The following KCND2 variants were observed in gnomAD, a reference collection of about 807,000 sequenced individuals.
KCND2 encodes potassium voltage-gated channel subfamily D member 2, also known as A-type voltage-gated potassium channel KCND2.
Under a neutral mutation model 54.4 loss-of-function variants are expected in KCND2, and 16 were observed. The ratio of observed to expected loss-of-function variants is 0.29; its 90% CI spans 0.20 to 0.45. KCND2 has a LOEUF of 0.45. Ranked by LOEUF, KCND2 falls within the 20% of genes least tolerant of loss-of-function variation. The probability of loss-of-function intolerance (pLI) is 1.00; values close to 1 mark genes in which losing one functional copy is unlikely to be tolerated. For missense variants in KCND2, 486 were observed against 824.2 expected, an observed-to-expected ratio of 0.59 and a Z score of 5.02; for synonymous variants, 317 against 310.7, an observed-to-expected ratio of 1.02 and a Z score of -0.21.
chr7:120,309,777 T>C (rs1160299127), intron 1 of KCND2, among the ~76,000 whole-genome samples: 1 of 152,110 alleles, frequency 6.6e-6, no homozygotes, highest in East Asian at 1.9e-4. Flanking sequence ...TGTCACTGTC[T>C]AGTTAAAAAC....
intron 1 of KCND2, among the ~76,000 whole-genome samples, chr7:120,631,110 G>A (rs1156415269): frequency 6.6e-6 from 1 of 152,042 alleles, no homozygotes; most frequent in East Asian, 1.9e-4. Context: ...GTAATCTTTT[G>A]ATTTTCTTGC....
chr7:120,631,559 G>A (rs1193929041), intron 1 of KCND2, among the ~76,000 whole-genome samples: 2 of 151,946 alleles, frequency 1.3e-5, no homozygotes, highest in Non-Finnish European at 2.9e-5. Flanking sequence ...ATATAAAATT[G>A]CATATTCTAC....
intron 1 of KCND2, among the ~76,000 whole-genome samples, chr7:120,653,834 C>G (rs1040845728): frequency 6.6e-6 from 1 of 151,988 alleles, no homozygotes; most frequent in Non-Finnish European, 1.5e-5. Context: ...TGGATATACA[C>G]AAAACACAGT....
At position 120,421,158 on chromosome 7, in the gene KCND2, G is replaced by A. The variant is rs191848760; in HGVS notation, c.1115+145411G>A. 6.1e-3 allele frequency among the ~76,000 whole-genome samples: 936 copies of A among 152,286 alleles called. 8 individuals carry two copies. The highest frequency in any genetic ancestry group is 0.011 in the Non-Finnish European group (716 of 68,020). On this transcript the variant is annotated intron_variant, in intron 1 of 5. Transcript: ENST00000331113. ...CATAGCATATGCAAGTCAAGTGCCTGCCACTTCTGTTAATGTCAGATATGA... is the reference window on the plus strand; with the variant it reads ...CATAGCATATGCAAGTCAAGTGCCTACCACTTCTGTTAATGTCAGATATGA...
chr7:120,530,575 A>G (rs994727489), intron 1 of KCND2, among the ~76,000 whole-genome samples: 1 of 152,146 alleles, frequency 6.6e-6, no homozygotes, highest in Non-Finnish European at 1.5e-5. Context: ...TCCAACTATT[A>G]TTAGATTCTT....
Position 120,662,352 on chromosome 7 carries a change from T to TA in KCND2, c.1116-70543dup, listed in dbSNP as rs968774615. ...TAGAATAGTATTGTTTTTAATCAGG[T>TA]AAAAAAAATCTCATTATAACAATTG... On this transcript the variant is annotated intron_variant, in intron 1 of 5. Transcript: ENST00000331113. 8.1e-4 allele frequency among the ~76,000 whole-genome samples: 124 copies of TA among 152,198 alleles called. 2 individuals carry two copies. The highest frequency in any genetic ancestry group is 2.5e-3 in the African/African-American group (104 of 41,560).
At chr7:120,396,564 A>C (rs1238904651) in intron 1 of KCND2, among the ~76,000 whole-genome samples, 2 of 151,980 alleles carry the variant, frequency 1.3e-5, no homozygotes, top group Non-Finnish European at 2.9e-5. Flanking sequence ...AATTGGATAC[A>C]TTAATTATTA....
intron 1 of KCND2, among the ~76,000 whole-genome samples, chr7:120,666,416 A>T (rs1212506320): frequency 6.6e-6 from 1 of 151,910 alleles, no homozygotes; most frequent in Admixed American, 6.6e-5. Context: ...AAAAGATGCC[A>T]TTGTTTTACT....
intron 1 of KCND2, among the ~76,000 whole-genome samples, chr7:120,567,398 T>C (rs1397553229): frequency 3.3e-5 from 5 of 152,182 alleles, no homozygotes; most frequent in Admixed American, 2.6e-4. Context: ...CTTGTGTGTC[T>C]TTATTGTTTT....
chr7:120,345,804 C>A (rs1393993879), intron 1 of KCND2, among the ~76,000 whole-genome samples: 1 of 152,198 alleles, frequency 6.6e-6, no homozygotes, highest in East Asian at 1.9e-4. Flanking sequence ...CTGCTATGAA[C>A]ATAACTGCAC....
At chr7:120,642,657 G>C (rs1379899782) in intron 1 of KCND2, among the ~76,000 whole-genome samples, 1 of 151,298 alleles carries the variant, frequency 6.6e-6, no homozygotes, top group African/African-American at 2.4e-5. Flanking sequence ...TTCCTCCTTT[G>C]TTAGATGTTC....
rs1018438714 is a variant in KCND2, at chr7:120,450,512, G to A, written c.1115+174765G>A. On this transcript the variant is annotated intron_variant, in intron 1 of 5. Transcript: ENST00000331113. ...AGCCTCAGGAAAACTAGCAGAGAAG[G>A]AGTACTAAGACCTCACAGACAATGG... Among the ~76,000 whole-genome samples the A allele has an allele frequency of 3.9e-5, 6 of 152,202 alleles. No individual in the cohort carries two copies. In the East Asian group the frequency reaches 1.2e-3, roughly 29 times the overall value.
At chr7:120,733,938 A>C (rs1792840009) in intron 2 of KCND2, among the ~76,000 whole-genome samples, 1 of 152,114 alleles carries the variant, frequency 6.6e-6, no homozygotes, top group African/African-American at 2.4e-5. Context: ...CATTAGCCTA[A>C]TGTTTTTCAC....
chr7:120,471,030 T>G (rs1044767207), intron 1 of KCND2, among the ~76,000 whole-genome samples: 2 of 152,052 alleles, frequency 1.3e-5, no homozygotes, highest in Non-Finnish European at 2.9e-5. Context: ...CAATAATGAA[T>G]AAACATGCAA....
chr7:120,740,313 T>C (rs1431242366), intron 2 of KCND2, among the ~76,000 whole-genome samples: 1 of 152,064 alleles, frequency 6.6e-6, no homozygotes, highest in Non-Finnish European at 1.5e-5. Context: ...TATTTATTTT[T>C]CATTTAAAAA....
chr7:120,536,084 C>T (rs2116372212), intron 1 of KCND2, among the ~76,000 whole-genome samples: 1 of 152,194 alleles, frequency 6.6e-6, no homozygotes, highest in South Asian at 2.1e-4. Flanking sequence ...CTGTGTCGTT[C>T]AGTTCCACAC....
At chr7:120,328,418 T>C (rs1800012972) in intron 1 of KCND2, among the ~76,000 whole-genome samples, 1 of 152,166 alleles carries the variant, frequency 6.6e-6, no homozygotes, top group Non-Finnish European at 1.5e-5. Flanking sequence ...AGATGAGGAT[T>C]CTGGCAGTTA....
At chr7:120,524,885 G>A (rs73437852) in intron 1 of KCND2, among the ~76,000 whole-genome samples, 7,870 of 152,174 alleles carry the variant, frequency 0.052, 694 homozygotes, top group African/African-American at 0.18. Context: ...TCAACGTCGG[G>A]ATAGGAAAGA....
At chr7:120,739,528 C>T (rs1792913654) in intron 2 of KCND2, among the ~76,000 whole-genome samples, 1 of 151,886 alleles carries the variant, frequency 6.6e-6, no homozygotes, top group Admixed American at 6.6e-5. Context: ...GTGATCTAAA[C>T]ATTATGTTTC....
Sources: allele counts gnomAD v4.1 joint callset (sites outside exome capture counted in the v4.1 genomes callset), GRCh38; gene constraint gnomAD v4.1.1; transcripts MANE v1.5; gene names NCBI Gene and HGNC (gene_info 2026-07-23, HGNC 2026-07-21).